Variants in MPP2 observed in about 807,000 individuals in gnomAD.
The protein encoded by MPP2 is MAGUK p55 scaffold protein 2, also known as MAGUK p55 subfamily member 2.
MPP2 carries 42 observed loss-of-function variants against 58.5 expected under a neutral mutation model. That is an observed-to-expected ratio of 0.72 (90% confidence interval 0.56 to 0.93). MPP2 has a LOEUF of 0.93. Among genes scored for constraint, MPP2 ranks in the 40% least tolerant of loss-of-function variants. MPP2 has a pLI of 0.00. For synonymous variants in MPP2, 300 were observed against 307.8 expected, an observed-to-expected ratio of 0.97 and a Z score of 0.26; for missense variants, 632 against 760.4, an observed-to-expected ratio of 0.83 and a Z score of 1.99.
chr17:43,886,744 T>C (rs1401549740), intron 3 of MPP2, among the ~76,000 whole-genome samples: 1 of 152,198 alleles, frequency 6.6e-6, no homozygotes, highest in Non-Finnish European at 1.5e-5. Flanking sequence ...GATCAAACAT[T>C]TGCATGTCTG....
rs1407930631 is a variant in MPP2 at position 43,876,167 on chromosome 17, A to G, written c.*1640T>C. 1 of 152,666 alleles carries G rather than the reference A, an allele frequency of 6.6e-6. No individual in the cohort carries two copies. Among genetic ancestry groups the G allele is most frequent in the Non-Finnish European group, 1.5e-5 (1 of 68,046 alleles). The allele number at this position is 152,666 out of a possible 1,614,324, so 9.5% of individuals were successfully genotyped here. Reference sequence around the variant, plus strand: ...ATAAGAAATATATTCTAACATTTGTAATAAATATTCTGTTTATTCTCCTTC... The same window carrying G: ...ATAAGAAATATATTCTAACATTTGTGATAAATATTCTGTTTATTCTCCTTC... On this transcript the variant is annotated 3_prime_UTR_variant, in exon 13 of 13. Coordinates refer to ENST00000269095, the MANE Select transcript of MPP2 (RefSeq NM_005374.5).
At chr17:43,886,790 G>A (rs563416757) in intron 3 of MPP2, among the ~76,000 whole-genome samples, 2 of 152,194 alleles carry the variant, frequency 1.3e-5, no homozygotes, top group East Asian at 3.9e-4. Flanking sequence ...TCTCATTGGG[G>A]CTTACTTTGC....
chr17:43,909,671 C>T (rs1344213221), upstream of MPP2: 88 of 1,298,312 alleles, frequency 6.8e-5, no homozygotes, highest in Non-Finnish European at 8.3e-5. Flanking sequence ...CCACTGCATT[C>T]GTCGGTCAAC....
chr17:43,889,805 G>GTTGTTTT (rs2047523894), intron 3 of MPP2, among the ~76,000 whole-genome samples: 1 of 37,920 alleles, frequency 2.6e-5, no homozygotes, highest in African/African-American at 6.8e-5. Flanking sequence ...GTCCAAATGC[G>GTTGTTTT]TTTTTTTTTT....
At position 43,879,438 on chromosome 17, in the gene MPP2, C is replaced by T. The variant is rs535610544; in HGVS notation, c.1354-35G>A. 1.9e-6 allele frequency: 3 copies of T among 1,610,854 alleles called. No homozygotes were observed. Among genetic ancestry groups the T allele is most frequent in the Admixed American group, 3.3e-5 (2 of 59,858 alleles). ...GAGAAGGCAAGGTAGGGAGTATATC[C>T]CCATGTCTGTCCTAGGAACCAGAGA... On this transcript the variant is annotated intron_variant, in intron 11 of 12. Coordinates refer to ENST00000269095, the MANE Select transcript of MPP2 (RefSeq NM_005374.5). The surrounding 1 kb of genome is among the most constrained non-coding windows in gnomAD (Gnocchi z 4.1).
chr17:43,901,314 C>T, intron 2 of MPP2: 3 of 985,620 alleles, frequency 3.0e-6, no homozygotes, highest in Non-Finnish European at 2.4e-6. Context: ...CTTCCCCTCC[C>T]CCATCTCCCA....
intron 3 of MPP2, among the ~76,000 whole-genome samples, chr17:43,897,933 C>T (rs888269580): frequency 1.3e-5 from 2 of 152,230 alleles, no homozygotes; most frequent in Non-Finnish European, 2.9e-5. Flanking sequence ...AAGACATACA[C>T]ACAAAACGCC....
chr17:43,907,431 G>C, intron 1 of MPP2, 43 bp downstream of exon 1: 8 of 985,648 alleles, frequency 8.1e-6, no homozygotes, highest in Non-Finnish European at 8.4e-6. Context: ...AGAAGGCGGA[G>C]GTCTTGGGAT....
At chr17:43,892,848 C>A (rs2047664684) in intron 3 of MPP2, among the ~76,000 whole-genome samples, 1 of 152,156 alleles carries the variant, frequency 6.6e-6, no homozygotes, top group Non-Finnish European at 1.5e-5. Flanking sequence ...CTGTGAGGTC[C>A]CAGGACTGGG....
At chr17:43,909,447 TG>T, upstream of MPP2, 1 of 739,952 alleles carries the variant, frequency 1.4e-6, no homozygotes, top group Non-Finnish European at 1.9e-6. Context: ...TGTCCACCTC[TG>T]GGCTGGAAAT....
chr17:43,893,988 G>A (rs1219823006), intron 3 of MPP2, among the ~76,000 whole-genome samples: 1 of 151,922 alleles, frequency 6.6e-6, no homozygotes. Flanking sequence ...AAAAGCACAC[G>A]TAATGGCCAG....
intron 3 of MPP2, among the ~76,000 whole-genome samples, chr17:43,895,453 C>T (rs1447351938): frequency 6.6e-6 from 1 of 152,084 alleles, no homozygotes; most frequent in Non-Finnish European, 1.5e-5. Flanking sequence ...TGGCAAGAGT[C>T]AAAACAAACA....
rs755079526 is a variant in MPP2 at position 43,879,396 on chromosome 17, T to G, written c.1361A>C (p.Lys454Thr). 1 of 1,614,120 alleles carries G rather than the reference T, an allele frequency of 6.2e-7. No homozygotes were observed. The highest frequency in any genetic ancestry group is 1.7e-5 in the Admixed American group (1 of 60,016). ...CVLDVNPQAV[K>T]VLRTAEFVPY... The stretch of plus-strand genomic sequence containing the variant: ...GACAAACTCGGCCGTTCGTAGCACC[T>G]TCACCGCCTGCAGAAGGAGAAGGCA... The change falls in exon 12 of 13, where the codon AAG becomes ACG. Residue 454 changes from lysine to threonine, a missense_variant. Lys to Thr is a moderately conservative substitution (Grantham distance 78, BLOSUM62 -1). Transcript: ENST00000269095. This position sits in a 1 kb window ranked among gnomAD's most constrained non-coding sequence, Gnocchi z 4.1.
At chr17:43,892,982 TGATG>T (rs6146066) in intron 3 of MPP2, among the ~76,000 whole-genome samples, 9,582 of 150,228 alleles carry the variant, frequency 0.064, 334 homozygotes, top group Middle Eastern at 0.079. Context: ...AATAGGTATT[TGATG>T]GATGGATGGA....
chr17:43,894,436 TATATATATAC>T (rs1458901888), intron 3 of MPP2, among the ~76,000 whole-genome samples: 1 of 13,650 alleles, frequency 7.3e-5, no homozygotes, highest in Admixed American at 8.4e-4. Context: ...TATATATATA[TATATATATAC>T]ACACACACAC....
In MPP2 at chr17:43,898,501, C is replaced by CAACATTCCCCTCCCCAGT. The variant is rs1285963859; in HGVS notation, c.32-122_32-121insACTGGGGAGGGGAATGTT. Reference sequence around the variant, plus strand: ...CCCACAGAAGGCAGCCCCTCCCCGGCAACATTCCCCTCCCTGCCCAGCACA... The same window carrying CAACATTCCCCTCCCCAGT: ...CCCACAGAAGGCAGCCCCTCCCCGGCAACATTCCCCTCCCCAGTAACATTCCCCTCCCTGCCCAGCACA... On this transcript the variant is annotated intron_variant, in intron 2 of 12. Coordinates refer to ENST00000269095, the MANE Select transcript of MPP2 (RefSeq NM_005374.5). 3 of 675,634 alleles carry CAACATTCCCCTCCCCAGT rather than the reference C, an allele frequency of 4.4e-6. No individual in the cohort carries two copies. The African/African-American group carries it at 5.3e-5, about 12-fold the overall frequency. 41.9% of individuals were successfully genotyped at this position (675,634 alleles called of 1,614,324 possible). A position where few individuals can be genotyped will look rare whatever the true frequency, so the allele number is the denominator to read the frequency against.
In MPP2 at chr17:43,879,615, T is replaced by G. The variant is rs231520; in HGVS notation, c.1353+167A>C. 1.3e-5 allele frequency among the ~76,000 whole-genome samples: 2 copies of G among 151,786 alleles called. No individual in the cohort carries two copies. The highest frequency in any genetic ancestry group is 3.9e-4 in the East Asian group (2 of 5,164). ...AGGAGACTAGAGGAGGAGTGGGGAC[T>G]CTGGAAGGCTGAGAAAGGTTCCAGG... On this transcript the variant is annotated intron_variant, in intron 11 of 12. Coordinates refer to ENST00000269095, the MANE Select transcript of MPP2 (RefSeq NM_005374.5). This position sits in a 1 kb window ranked among gnomAD's most constrained non-coding sequence, Gnocchi z 4.1.
At chr17:43,899,633 G>C (rs1263137583) in intron 2 of MPP2, among the ~76,000 whole-genome samples, 1 of 152,176 alleles carries the variant, frequency 6.6e-6, no homozygotes, top group Non-Finnish European at 1.5e-5. Context: ...CTGGAACGCT[G>C]GCAGGAGCTA....
chr17:43,891,659 G>A (rs1429192815), intron 3 of MPP2, among the ~76,000 whole-genome samples: 2 of 152,148 alleles, frequency 1.3e-5, no homozygotes, highest in Non-Finnish European at 2.9e-5. Flanking sequence ...ACTTTAGGAA[G>A]CCAAGGTGGG....
Sources: allele counts gnomAD v4.1 joint callset (sites outside exome capture counted in the v4.1 genomes callset), GRCh38; gene constraint gnomAD v4.1.1; non-coding constraint Gnocchi (gnomAD v3.1); transcripts MANE v1.5; gene names NCBI Gene and HGNC (gene_info 2026-07-23, HGNC 2026-07-21).